Variants in NOTCH3 observed in about 807,000 individuals in gnomAD.
NOTCH3 encodes the protein neurogenic locus notch homolog protein 3.
NOTCH3 carries 86 observed loss-of-function variants against 213.3 expected under a neutral mutation model. That is an observed-to-expected ratio of 0.40 (90% CI 0.34 to 0.48). NOTCH3 has a LOEUF of 0.48. NOTCH3 is among the 20% of genes least tolerant of loss of function. The pLI is 0.57. For synonymous variants in NOTCH3, 1,354 were observed against 1,355.9 expected (o/e 1.00, Z 0.03); for missense variants, 2,783 against 3,272.6 (o/e 0.85, Z 3.65).
chr19:15,175,556 C>T lies in NOTCH3; in HGVS notation c.4404-1156G>A, dbSNP rs75082101. Among the ~76,000 whole-genome samples the T allele has an allele frequency of 1.7e-3, 151 of 90,142 alleles. 1 individual carries two copies. Among genetic ancestry groups the T allele is most frequent in the Middle Eastern group, 0.011 (1 of 94 alleles). 59.1% of individuals were successfully genotyped at this position (90,142 alleles called of 152,430 possible). On this transcript the variant is annotated intron_variant, in intron 24 of 32. Coordinates refer to ENST00000263388, the MANE Select transcript of NOTCH3 (RefSeq NM_000435.3). ...TCTAAAAAAAAAAAAAAAAAAAATA[C>T]ATATATATATATATATATGTATATA...
intron 19 of NOTCH3, 24 bp from the exon 20 acceptor site, chr19:15,180,280 G>T (rs758003047): frequency 5.0e-6 from 8 of 1,612,466 alleles, no homozygotes; most frequent in Non-Finnish European, 6.8e-6. Flanking sequence ...AGTGGCACAG[G>T]AACAGAGGTA....
At position 15,184,304 on chromosome 19, in the gene NOTCH3, A is replaced by G. The variant is rs1568357588; in HGVS notation, c.2557T>C (p.Cys853Arg). The G allele has an allele frequency of 6.2e-7, 1 of 1,613,934 alleles. No homozygotes were observed. The change falls in exon 16 of 33, where the codon TGT becomes CGT. Residue 853 changes from cysteine (C) to arginine (R), a missense_variant. Cys to Arg is a radical substitution (Grantham distance 180). This residue lies in a region of NOTCH3 where 861 missense variants were observed against 909.1 expected (regional missense o/e 0.95). Coordinates refer to ENST00000263388, the MANE Select transcript of NOTCH3 (RefSeq NM_000435.3). ...GCTCCCCTGCACTCACTGGGGTCAC[A>G]GTCATTGATGTCCTGATCGCAGGAA... ...GPSCDQDIND[C>R]DPNPCLNGGS... is the part of the protein sequence containing the mutation.
Position 15,179,039 on chromosome 19 carries a change from T to G in NOTCH3, c.3704A>C (p.His1235Pro), listed in dbSNP as rs55882518. Residue 1235 changes from histidine to proline, a missense_variant, in exon 22 of 33, where the codon CAT becomes CCT. His to Pro is a moderately conservative substitution (Grantham distance 77, BLOSUM62 -2). Transcript: ENST00000263388. ...CCAACGCTTACCTGAGAAGCCAGCA[T>G]GACAAAGGCAACGGAAACCTCCGCC... is the stretch of plus-strand genomic sequence containing the variant. ...DPGGGFRCLC[H>P]AGFSGPRCQT... 2 of 1,614,210 alleles carry G rather than the reference T, an allele frequency of 1.2e-6. No individual in the cohort carries two copies. Among genetic ancestry groups the G allele is most frequent in the East Asian group, 2.2e-5 (1 of 44,886 alleles).
intron 1 of NOTCH3, among the ~76,000 whole-genome samples, chr19:15,199,072 T>C (rs1674656477): frequency 6.6e-6 from 1 of 152,194 alleles, no homozygotes; most frequent in Admixed American, 6.5e-5. Flanking sequence ...CTGTGGGTGT[T>C]CGTGAACTCA....
At chr19:15,200,638 C>T in intron 1 of NOTCH3, 150 bp downstream of exon 1, 1 of 487,192 alleles carries the variant, frequency 2.1e-6, no homozygotes, top group Non-Finnish European at 3.0e-6. Context: ...TCTCTGGGTC[C>T]TCCAGGACTG....
At position 15,197,443 on chromosome 19, in the gene NOTCH3, C is replaced by T. The variant is rs2046977202; in HGVS notation, c.197+57G>A. 3.4e-6 allele frequency: 2 copies of T among 585,080 alleles called. 1 individual carries two copies. Among genetic ancestry groups the T allele is most frequent in the Non-Finnish European group, 6.6e-6 (2 of 303,122 alleles). 36.2% of individuals were successfully genotyped at this position (585,080 alleles called of 1,614,324 possible). A position where few individuals can be genotyped will look rare whatever the true frequency, so the allele number is the denominator to read the frequency against. On this transcript the variant is annotated intron_variant, in intron 2 of 32. Coordinates refer to ENST00000263388, the MANE Select transcript of NOTCH3 (RefSeq NM_000435.3). ...GAGGCAGAGGGAGAAGACAAATCGC[C>T]CCTCCCCCCCGCCCCCACACACAGG... is the stretch of plus-strand genomic sequence containing the variant.
rs886054255 is a variant in NOTCH3 at position 15,174,378 on chromosome 19, C to T, written c.4426G>A (p.Ala1476Thr). ...CAGCGGCCGTCGGCAAAGTGGTCGGCGCAGTACTTCTCGTACACCGGGCTG... is the reference window on the plus strand; with the variant it reads ...CAGCGGCCGTCGGCAAAGTGGTCGGTGCAGTACTTCTCGTACACCGGGCTG... ...TCNPVYEKYC[A>T]DHFADGRCDQ... is the part of the protein sequence containing the mutation. The change falls in exon 25 of 33, where the codon GCC (alanine) becomes ACC (threonine). Residue 1476 changes from alanine to threonine, a missense_variant. By Grantham distance (58) the Ala-to-Thr change is moderately conservative (BLOSUM62 0). This residue lies in a region of NOTCH3 where 636 missense variants were observed against 801.8 expected (regional missense o/e 0.79). Transcript: ENST00000263388. The T allele has an allele frequency of 3.3e-6, 5 of 1,536,190 alleles. No homozygotes were observed. The highest frequency in any genetic ancestry group is 4.4e-6 in the Non-Finnish European group (5 of 1,136,998).
rs2145399897 is a variant in NOTCH3 at position 15,170,359 on chromosome 19, G to A, written c.5086C>T (p.Pro1696Ser). Residue 1696 changes from proline to serine, a missense_variant, in exon 27 of 33, where the codon CCC becomes TCC. Physicochemically the swap from Pro to Ser is moderately conservative, Grantham distance 74. Around this residue, in one of 6 missense-constraint regions of NOTCH3, gnomAD observed 636 missense variants for 801.8 expected, o/e 0.79. Transcript: ENST00000263388. ...ATGCCCAGCGCGTCCTGGCCCACGG[G>A]TTCCCGCCGGCCCTTGTGACCAGAG... ...VASGHKGRRE[P>S]VGQDALGMKN... The A allele has an allele frequency of 6.2e-7, 1 of 1,613,614 alleles. No individual in the cohort carries two copies. The highest frequency in any genetic ancestry group is 8.5e-7 in the Non-Finnish European group (1 of 1,180,000).
At chr19:15,199,824 C>A (rs2046997245) in intron 1 of NOTCH3, among the ~76,000 whole-genome samples, 1 of 152,066 alleles carries the variant, frequency 6.6e-6, no homozygotes, top group Non-Finnish European at 1.5e-5. Flanking sequence ...AGCGCCAAGC[C>A]CCACACTGGC....
At chr19:15,176,012 G>A (rs1161774952) in intron 24 of NOTCH3, among the ~76,000 whole-genome samples, 1 of 151,788 alleles carries the variant, frequency 6.6e-6, no homozygotes, top group Non-Finnish European at 1.5e-5. Flanking sequence ...GACAGAGAGA[G>A]GGGCAGAAGA....
chr19:15,186,981 G>A lies in NOTCH3; in HGVS notation c.1848C>T (p.Asn616=), dbSNP rs917901578. Residue 616 remains asparagine, a synonymous_variant, in exon 12 of 33, where the codon AAC becomes AAT. Transcript: ENST00000263388. ...CACAGTCGTCAATGTTCACTTCGCA[G>A]TTCACACCTAGGGGCCAGGAACATG... ...CRCPSGTTGV[N]CEVNIDDCAS... 1.9e-6 allele frequency: 3 copies of A among 1,614,136 alleles called. No individual in the cohort carries two copies. The highest frequency in any genetic ancestry group is 1.7e-6 in the Non-Finnish European group (2 of 1,179,998).
chr19:15,180,713 C>T lies in NOTCH3; in HGVS notation c.3110G>A (p.Ser1037Asn), dbSNP rs982964988. 6 of 1,565,024 alleles carry T rather than the reference C, an allele frequency of 3.8e-6. No individual in the cohort carries two copies. The Admixed American group carries it at 1.1e-4, about 30-fold the overall frequency. The change falls in exon 19 of 33, where the codon AGC (serine) becomes AAC (asparagine). Residue 1037 changes from serine (S) to asparagine (N), a missense_variant. Ser to Asn is a conservative substitution (Grantham distance 46, BLOSUM62 1). Coordinates refer to ENST00000263388, the MANE Select transcript of NOTCH3 (RefSeq NM_000435.3). ...GGCTGCGGCCTCCCTGCAGGGCAAGCTTCGGATGTCACAGAGGCGTCCGCT... is the reference window on the plus strand; with the variant it reads ...GGCTGCGGCCTCCCTGCAGGGCAAGTTTCGGATGTCACAGAGGCGTCCGCT... ...GWSGRLCDIRSLPCREAAAQI... is the reference protein window; with the variant it reads ...GWSGRLCDIRNLPCREAAAQI...
At chr19:15,192,339 C>G (rs753306839) in intron 3 of NOTCH3, 38 bp downstream of exon 3, 10 of 1,612,528 alleles carry the variant, frequency 6.2e-6, no homozygotes, top group Non-Finnish European at 7.6e-6. Context: ...ACTGACCACA[C>G]CCCCGACTAC....
chr19:15,170,620 G>C, intron 26 of NOTCH3, 51 bp downstream of exon 26: 4 of 1,554,638 alleles, frequency 2.6e-6, no homozygotes, highest in Non-Finnish European at 3.5e-6. Context: ...GCGGGGCTTC[G>C]GCCGCCCCCA....
rs1041496655 is a variant in NOTCH3, at chr19:15,160,605, A to C, written c.*57T>G. 1.6e-6 allele frequency: 2 copies of C among 1,279,678 alleles called. No individual in the cohort carries two copies. Among genetic ancestry groups the C allele is most frequent in the African/African-American group, 2.9e-5 (2 of 68,310 alleles). The allele number at this position is 1,279,678 out of a possible 1,614,324, so 79.3% of individuals were successfully genotyped here. On this transcript the variant is annotated 3_prime_UTR_variant, in exon 33 of 33. Coordinates refer to ENST00000263388, the MANE Select transcript of NOTCH3 (RefSeq NM_000435.3). ...AAAGGAAGGAAGAGACAGAGAAAGA[A>C]AGGAGGCAGGACGGGGGTCTCTTTA...
chr19:15,161,179 C>T lies in NOTCH3; in HGVS notation c.6449G>A (p.Arg2150His), dbSNP rs758243307. ...LGGPGRAGLGRQPPGGCVLSL... is the reference protein window; with the variant it reads ...LGGPGRAGLGHQPPGGCVLSL... Reference sequence around the variant, plus strand: ...GAGTACACATCCTCCAGGGGGCTGGCGCCCTAGACCCGCCCGGCCTGGGCC... The same window carrying T: ...GAGTACACATCCTCCAGGGGGCTGGTGCCCTAGACCCGCCCGGCCTGGGCC... Residue 2150 changes from arginine (R) to histidine (H), a missense_variant, in exon 33 of 33, where the codon CGC becomes CAC. Around this residue, in one of 6 missense-constraint regions of NOTCH3, gnomAD observed 441 missense variants for 432.1 expected, o/e 1.02. Coordinates refer to ENST00000263388, the MANE Select transcript of NOTCH3 (RefSeq NM_000435.3). 34 of 1,539,014 alleles carry T rather than the reference C, an allele frequency of 2.2e-5. No individual in the cohort carries two copies. The highest frequency in any genetic ancestry group is 7.2e-5 in the East Asian group (3 of 41,428).
In NOTCH3 at chr19:15,185,554, G is replaced by A; in HGVS notation, c.2077C>T (p.Leu693Phe). The A allele has an allele frequency of 6.2e-7, 1 of 1,612,976 alleles. No homozygotes were observed. The highest frequency in any genetic ancestry group is 8.5e-7 in the Non-Finnish European group (1 of 1,179,728). Residue 693 changes from leucine (L) to phenylalanine (F), a missense_variant, in exon 13 of 33, where the codon CTC becomes TTC. By Grantham distance (22) the Leu-to-Phe change is conservative. Coordinates refer to ENST00000263388, the MANE Select transcript of NOTCH3 (RefSeq NM_000435.3). This position sits in a 1 kb window ranked among gnomAD's most constrained non-coding sequence, Gnocchi z 4.2. ...CPPGSLPPLCLPPSHPCAHEP... is the reference protein window; with the variant it reads ...CPPGSLPPLCFPPSHPCAHEP... ...TGGGCACAGGGATGGCTCGGGGGGA[G>A]GCAGAGTGGGGGCAAGGAGCCAGGC... is the stretch of plus-strand genomic sequence containing the variant.
At position 15,174,165 on chromosome 19, in the gene NOTCH3, G is replaced by C. The variant is rs150037063; in HGVS notation, c.4639C>G (p.Leu1547Val). The change falls in exon 25 of 33, where the codon CTG becomes GTG. Residue 1547 changes from leucine (L) to valine (V), a missense_variant. By Grantham distance (32) the Leu-to-Val change is conservative (BLOSUM62 1). Transcript: ENST00000263388. ...AILRTSLRFR[L>V]DAHGQAMVFP... ...ACCATGGCCTGGCCGTGCGCGTCCAGGCGGAAGCGCAGCGAGGTGCGCAGG... is the reference window on the plus strand; with the variant it reads ...ACCATGGCCTGGCCGTGCGCGTCCACGCGGAAGCGCAGCGAGGTGCGCAGG... 3.6e-4 allele frequency: 575 copies of C among 1,609,774 alleles called. 1 individual carries two copies. Among genetic ancestry groups the C allele is most frequent in the Non-Finnish European group, 4.4e-4 (522 of 1,179,460 alleles).
chr19:15,191,613 T>C lies in NOTCH3; in HGVS notation c.847A>G (p.Asn283Asp), dbSNP rs752451374. 1.9e-6 allele frequency: 3 copies of C among 1,613,262 alleles called. No homozygotes were observed. The highest frequency in any genetic ancestry group is 2.5e-6 in the Non-Finnish European group (3 of 1,179,994). The change falls in exon 6 of 33, where the codon AAC becomes GAC. Residue 283 changes from asparagine to aspartate, a missense_variant. Around this residue, in one of 6 missense-constraint regions of NOTCH3, gnomAD observed 708 missense variants for 906.6 expected, o/e 0.78. Transcript: ENST00000263388. ...EDVDECQLQP[N>D]ACHNGGTCFN... is the part of the protein sequence containing the mutation. ...CAGGTACCCCCATTGTGGCAGGCGT[T>C]GGGCTGCAGCTGACACTCATCCACG...
Sources: allele counts gnomAD v4.1 joint callset (sites outside exome capture counted in the v4.1 genomes callset), GRCh38; gene constraint gnomAD v4.1.1; regional missense constraint gnomAD v4.1.1; non-coding constraint Gnocchi (gnomAD v3.1); transcripts MANE v1.5; gene names NCBI Gene and HGNC (gene_info 2026-07-23, HGNC 2026-07-21).